Variants in ENOX2 observed in about 807,000 individuals in gnomAD.
The protein encoded by ENOX2 is ecto-NOX disulfide-thiol exchanger 2.
In ENOX2, 36 loss-of-function variants were observed where a neutral mutation model predicts 45.0. The observed-to-expected ratio is 0.80, with a 90% CI of 0.61 to 1.06. The LOEUF (loss-of-function observed/expected upper bound fraction) is 1.06, where lower values mean the gene tolerates loss of function less well. Ranked by LOEUF, ENOX2 falls within the 50% of genes least tolerant of loss-of-function variation. The pLI is 0.00. For missense variants in ENOX2, 423 were observed against 462.5 expected, an observed-to-expected ratio of 0.91 and a Z score of 0.78; for synonymous variants, 174 against 152.3, an observed-to-expected ratio of 1.14 and a Z score of -1.05.
chrX:130,740,423 A>G (rs779941673), intron 3 of ENOX2, among the ~76,000 whole-genome samples: 20 of 110,886 alleles, frequency 1.8e-4, no homozygotes, highest in Non-Finnish European at 3.4e-4. Context: ...AAAAATTCAC[A>G]TGCCCTAAAT....
At chrX:130,671,337 A>G (rs1327972892) in intron 6 of ENOX2, among the ~76,000 whole-genome samples, 1 of 112,075 alleles carries the variant, frequency 8.9e-6, no homozygotes, top group Non-Finnish European at 1.9e-5. Flanking sequence ...GAGAGACAAG[A>G]ACCAAATGAA....
intron 2 of ENOX2, among the ~76,000 whole-genome samples, chrX:130,868,783 C>T (rs2078528106): frequency 9.0e-6 from 1 of 111,417 alleles, no homozygotes; most frequent in Non-Finnish European, 1.9e-5. Flanking sequence ...ATCCTAGATA[C>T]CTCCAAATTA....
At chrX:130,703,284 G>A (rs768124702) in intron 3 of ENOX2, 30 bp from the exon 4 acceptor site, 8 of 1,174,826 alleles carry the variant, frequency 6.8e-6, no homozygotes, top group Non-Finnish European at 8.0e-6. Context: ...AAAATAATTT[G>A]TTGTGTTAAG....
intron 3 of ENOX2, among the ~76,000 whole-genome samples, chrX:130,742,730 C>A (rs2039014337): frequency 8.9e-6 from 1 of 111,896 alleles, no homozygotes; most frequent in South Asian, 3.8e-4. Context: ...TTATCCAAAG[C>A]TACACAGCTA....
intron 13 of ENOX2, among the ~76,000 whole-genome samples, chrX:130,630,019 C>T (rs1012048153): frequency 1.2e-4 from 13 of 111,854 alleles, no homozygotes; most frequent in East Asian, 2.8e-4. Context: ...ACTGCCCTTT[C>T]GGGTCGGTAA....
At chrX:130,670,414 T>C (rs752266158) in intron 6 of ENOX2, among the ~76,000 whole-genome samples, 1 of 111,654 alleles carries the variant, frequency 9.0e-6, no homozygotes, top group Admixed American at 9.5e-5. Flanking sequence ...AAGATTTAGA[T>C]TATCTCTGAT....
At chrX:130,652,696 A>C (rs946873077) in intron 10 of ENOX2, among the ~76,000 whole-genome samples, 2 of 112,407 alleles carry the variant, frequency 1.8e-5, no homozygotes, top group African/African-American at 6.5e-5. Context: ...CAATGAGGTC[A>C]TTATGATGGG....
chrX:130,832,440 TACACACACACACACACACACAC>T (rs61623401), intron 2 of ENOX2, among the ~76,000 whole-genome samples: 1 of 91,067 alleles, frequency 1.1e-5, no homozygotes, highest in Admixed American at 1.2e-4. Context: ...CACACACACA[TACACACACACACACACACACAC>T]ACACACACCC....
chrX:130,777,721 C>A (rs1289199925), intron 3 of ENOX2, among the ~76,000 whole-genome samples: 1 of 111,534 alleles, frequency 9.0e-6, no homozygotes, highest in Non-Finnish European at 1.9e-5. Flanking sequence ...ATTTTTCTAT[C>A]CTGCCTCTTT....
rs2036264920 is a variant in ENOX2 at position 130,647,424 on chromosome X, A to T, written c.1129+9157T>A. Reference sequence around the variant, plus strand: ...TAGAGTGCTGCAAGAGAAGAGTCTTACTCCTACCCTGAGTGGGAGATGAGA... The same window carrying T: ...TAGAGTGCTGCAAGAGAAGAGTCTTTCTCCTACCCTGAGTGGGAGATGAGA... On this transcript the variant is annotated intron_variant, in intron 10 of 14. Coordinates refer to ENST00000394363, the MANE Select transcript of ENOX2 (RefSeq NM_006375.4). 5.3e-5 allele frequency among the ~76,000 whole-genome samples: 6 copies of T among 112,251 alleles called. No individual in the cohort carries two copies. The Admixed American group carries it at 5.6e-4, about 11-fold the overall frequency.
intron 2 of ENOX2, among the ~76,000 whole-genome samples, chrX:130,831,075 T>C (rs902373002): frequency 9.0e-6 from 1 of 111,211 alleles, no homozygotes; most frequent in Non-Finnish European, 1.9e-5. Context: ...ACAGAGGGAA[T>C]GGGGGCCAAA....
intron 3 of ENOX2, among the ~76,000 whole-genome samples, chrX:130,742,611 A>C (rs2039011109): frequency 8.9e-6 from 1 of 111,838 alleles, no homozygotes; most frequent in Non-Finnish European, 1.9e-5. Flanking sequence ...GGCTTCCAAA[A>C]AAATGGTACC....
At chrX:130,671,338 A>G (rs1394610567) in intron 6 of ENOX2, among the ~76,000 whole-genome samples, 1 of 112,096 alleles carries the variant, frequency 8.9e-6, no homozygotes, top group African/African-American at 3.2e-5. Context: ...AGAGACAAGA[A>G]CCAAATGAAG....
intron 2 of ENOX2, among the ~76,000 whole-genome samples, chrX:130,844,773 G>C (rs187332081): frequency 1.1e-4 from 12 of 111,989 alleles, no homozygotes; most frequent in Admixed American, 1.0e-3. Context: ...TGGAGGAATC[G>C]TGGCTCCAGA....
rs149626284 is a variant in ENOX2 at position 130,721,665 on chromosome X, T to C, written c.-38-18411A>G. On this transcript the variant is annotated intron_variant, in intron 3 of 14. Transcript: ENST00000394363. Reference sequence around the variant, plus strand: ...GAACTCTACCACTGCACACACACACTGTCCTGGACACAGTGGGGCAGCACT... The same window carrying C: ...GAACTCTACCACTGCACACACACACCGTCCTGGACACAGTGGGGCAGCACT... Among the ~76,000 whole-genome samples, 10 of 111,794 alleles carry C rather than the reference T, an allele frequency of 8.9e-5. No homozygotes were observed. In the East Asian group the frequency reaches 2.8e-3, roughly 32 times the overall value.
chrX:130,825,230 T>C (rs1421712729), intron 2 of ENOX2, among the ~76,000 whole-genome samples: 1 of 111,340 alleles, frequency 9.0e-6, no homozygotes, highest in South Asian at 3.8e-4. Flanking sequence ...CTCAAAAATA[T>C]AGAGTGAAAA....
At chrX:130,721,323 T>A (rs2038469386) in intron 3 of ENOX2, among the ~76,000 whole-genome samples, 1 of 112,212 alleles carries the variant, frequency 8.9e-6, no homozygotes, top group Admixed American at 9.4e-5. Context: ...ATTTTAGCTA[T>A]TAAGACATAC....
At chrX:130,787,056 C>G (rs1335345753) in intron 2 of ENOX2, among the ~76,000 whole-genome samples, 1 of 95,439 alleles carries the variant, frequency 1.0e-5, no homozygotes, top group Non-Finnish European at 2.1e-5. Context: ...CACATCCTCT[C>G]CAGCACCTGT....
At chrX:130,748,247 G>A (rs751571075) in intron 3 of ENOX2, among the ~76,000 whole-genome samples, 45 of 112,171 alleles carry the variant, frequency 4.0e-4, no homozygotes, top group Non-Finnish European at 8.1e-4. Context: ...ACTGTGGGAA[G>A]TATATTACTC....
Sources: allele counts gnomAD v4.1 joint callset (sites outside exome capture counted in the v4.1 genomes callset), GRCh38; gene constraint gnomAD v4.1.1; transcripts MANE v1.5; gene names NCBI Gene and HGNC (gene_info 2026-07-23, HGNC 2026-07-21).